OPCML: variants seen among roughly 807,000 people sequenced by gnomAD.
The protein encoded by OPCML is opioid binding protein/cell adhesion molecule like.
OPCML carries 13 observed loss-of-function variants against 37.8 expected under a neutral mutation model. The ratio of observed to expected loss-of-function variants is 0.34; its 90% CI spans 0.22 to 0.55. The LOEUF is 0.55. Ranked by LOEUF, OPCML falls within the 20% of genes least tolerant of loss-of-function variation. OPCML has a pLI of 0.91. For missense variants in OPCML, 341 were observed against 435.6 expected (o/e 0.78, Z 1.93); for synonymous variants, 176 against 168.8 (o/e 1.04, Z -0.33).
intron 1 of OPCML, among the ~76,000 whole-genome samples, chr11:133,238,640 C>T (rs552983524): frequency 6.6e-6 from 1 of 152,108 alleles, no homozygotes; most frequent in Non-Finnish European, 1.5e-5. Flanking sequence ...GTCATCAGAG[C>T]CTCCCGCCCT....
intron 3 of OPCML, among the ~76,000 whole-genome samples, chr11:132,534,459 T>C (rs2096334811): frequency 6.6e-6 from 1 of 152,216 alleles, no homozygotes; most frequent in Non-Finnish European, 1.5e-5. Flanking sequence ...CTACTCTGTA[T>C]ACTGTTTTAC....
At chr11:132,459,826 G>C (rs1212079556) in intron 4 of OPCML, among the ~76,000 whole-genome samples, 2 of 152,042 alleles carry the variant, frequency 1.3e-5, no homozygotes, top group Non-Finnish European at 2.9e-5. Flanking sequence ...GCTCATGAAA[G>C]CAAATACAAG....
intron 1 of OPCML, among the ~76,000 whole-genome samples, chr11:133,429,194 T>A (rs1047170917): frequency 6.6e-6 from 1 of 152,218 alleles, no homozygotes; most frequent in Non-Finnish European, 1.5e-5. Flanking sequence ...CCCATCCATA[T>A]ATCTTGGGAC....
At chr11:132,824,553 T>C (rs957003171) in intron 2 of OPCML, among the ~76,000 whole-genome samples, 1 of 152,198 alleles carries the variant, frequency 6.6e-6, no homozygotes, top group Non-Finnish European at 1.5e-5. Context: ...TGTCTCCACT[T>C]ACTTTCAATC....
intron 1 of OPCML, among the ~76,000 whole-genome samples, chr11:133,179,787 A>T (rs1464421464): frequency 6.6e-6 from 1 of 152,228 alleles, no homozygotes; most frequent in Non-Finnish European, 1.5e-5. Context: ...CAGAGGAAAG[A>T]GCATTTCAAA....
intron 2 of OPCML, among the ~76,000 whole-genome samples, chr11:132,831,763 G>C (rs1227246536): frequency 6.8e-6 from 1 of 148,006 alleles, no homozygotes; most frequent in African/African-American, 2.5e-5. Flanking sequence ...TTTAAAGTTA[G>C]GCTGTCAAAT....
chr11:133,011,201 A>T (rs1424630764), intron 1 of OPCML, among the ~76,000 whole-genome samples: 1 of 152,266 alleles, frequency 6.6e-6, no homozygotes, highest in African/African-American at 2.4e-5. Context: ...TGTGTCAAGC[A>T]CATGGGATCA....
At chr11:132,883,874 C>A (rs1943311960) in intron 2 of OPCML, among the ~76,000 whole-genome samples, 1 of 152,200 alleles carries the variant, frequency 6.6e-6, no homozygotes, top group Admixed American at 6.5e-5. Flanking sequence ...AGTCCTGGAT[C>A]TACTGCACTT....
In OPCML at chr11:132,804,652, T is replaced by C. The variant is rs142378060; in HGVS notation, c.146+138274A>G. On this transcript the variant is annotated intron_variant, in intron 2 of 7. Transcript: ENST00000524381. ...GGTCCTATGGTGTAATGACTAGAAA[T>C]AGAGCACGACTTATGCTAAACTCTC... 2.6e-3 allele frequency among the ~76,000 whole-genome samples: 399 copies of C among 152,192 alleles called. 3 individuals carry two copies. Among genetic ancestry groups the C allele is most frequent in the African/African-American group, 9.1e-3 (380 of 41,534 alleles).
At chr11:133,487,289 A>G (rs961436646) in intron 1 of OPCML, among the ~76,000 whole-genome samples, 2 of 152,194 alleles carry the variant, frequency 1.3e-5, no homozygotes, top group African/African-American at 4.8e-5. Flanking sequence ...AAAATACTTC[A>G]TCTTGCAGCG....
At chr11:132,951,128 C>A (rs1945849651) in intron 1 of OPCML, among the ~76,000 whole-genome samples, 2 of 152,180 alleles carry the variant, frequency 1.3e-5, no homozygotes. Context: ...TACACAAGCT[C>A]CTTACATTCA....
intron 1 of OPCML, among the ~76,000 whole-genome samples, chr11:133,030,537 C>G (rs1027170712): frequency 1.4e-4 from 21 of 152,120 alleles, no homozygotes; most frequent in Non-Finnish European, 2.8e-4. Flanking sequence ...TCATCATGAG[C>G]CTTCAAGGAA....
chr11:132,799,016 G>A (rs982364033), intron 2 of OPCML, among the ~76,000 whole-genome samples: 1 of 152,048 alleles, frequency 6.6e-6, no homozygotes, highest in Non-Finnish European at 1.5e-5. Context: ...GGGCAGAGTA[G>A]ATTTAGCATA....
intron 1 of OPCML, among the ~76,000 whole-genome samples, chr11:133,214,330 T>C (rs1225290402): frequency 6.6e-6 from 1 of 152,224 alleles, no homozygotes; most frequent in African/African-American, 2.4e-5. Flanking sequence ...ATTTGTACAC[T>C]TTATGTGGTA....
chr11:132,757,898 C>G (rs1007555439), intron 2 of OPCML, among the ~76,000 whole-genome samples: 2 of 152,074 alleles, frequency 1.3e-5, no homozygotes, highest in South Asian at 2.1e-4. Context: ...ATGGTATTGC[C>G]TAGTTTTTCT....
intron 1 of OPCML, among the ~76,000 whole-genome samples, chr11:133,383,251 C>T (rs1298743805): frequency 2.0e-5 from 3 of 152,180 alleles, no homozygotes; most frequent in Admixed American, 1.3e-4. Flanking sequence ...ATCCAGAGCC[C>T]TGTGAGAGCT....
At chr11:132,677,562 C>A (rs1942762980) in intron 2 of OPCML, among the ~76,000 whole-genome samples, 1 of 152,076 alleles carries the variant, frequency 6.6e-6, no homozygotes, top group Admixed American at 6.6e-5. Flanking sequence ...AGAATAGACT[C>A]CAAGTAAATG....
rs529826569 is a variant in OPCML at position 132,708,201 on chromosome 11, T to C, written c.147-50882A>G. Among the ~76,000 whole-genome samples the C allele has an allele frequency of 1.3e-4, 20 of 152,344 alleles. No individual in the cohort carries two copies. In the South Asian group the frequency reaches 3.9e-3, roughly 30 times the overall value. ...GAAAATGATTCCTATGCTGAATGGA[T>C]AGACTGTAAAACTCTAGGTCTTTCT... On this transcript the variant is annotated intron_variant, in intron 2 of 7. Transcript: ENST00000524381.
intron 1 of OPCML, among the ~76,000 whole-genome samples, chr11:133,202,395 C>T (rs1403977227): frequency 1.3e-5 from 2 of 152,208 alleles, no homozygotes; most frequent in Non-Finnish European, 2.9e-5. Context: ...AGGAACTGGA[C>T]TCATGGCTTC....
Sources: allele counts gnomAD v4.1 joint callset (sites outside exome capture counted in the v4.1 genomes callset), GRCh38; gene constraint gnomAD v4.1.1; transcripts MANE v1.5; gene names NCBI Gene and HGNC (gene_info 2026-07-23, HGNC 2026-07-21).